The following IQCK variants were observed in gnomAD, a reference collection of about 807,000 sequenced individuals.
IQCK encodes IQ domain-containing protein K.
IQCK carries 29 observed loss-of-function variants against 28.1 expected under a neutral mutation model. The ratio of observed to expected loss-of-function variants is 1.03; its 90% CI spans 0.77 to 1.41. The LOEUF (loss-of-function observed/expected upper bound fraction) is 1.41. Ranked by LOEUF, IQCK falls within the 40% of genes most tolerant of loss-of-function variation. The pLI is 0.00. For missense variants in IQCK, 359 were observed against 314.7 expected (o/e 1.14, Z -1.07); for synonymous variants, 113 against 115.1 (o/e 0.98, Z 0.12).
At chr16:19,777,936 C>G (rs2055417612) in intron 6 of IQCK, among the ~76,000 whole-genome samples, 1 of 152,096 alleles carries the variant, frequency 6.6e-6, no homozygotes, top group Non-Finnish European at 1.5e-5. Flanking sequence ...ACCTGTAGTT[C>G]CAGTTACTCC....
At chr16:19,735,714 T>G in intron 4 of IQCK, 1 of 445,996 alleles carries the variant, frequency 2.2e-6, no homozygotes, top group Non-Finnish European at 4.1e-6. Context: ...CTGTGCAGTT[T>G]GGCATCCACC....
At chr16:19,772,473 A>T (rs1353245820) in intron 6 of IQCK, among the ~76,000 whole-genome samples, 1 of 152,032 alleles carries the variant, frequency 6.6e-6, no homozygotes, top group Non-Finnish European at 1.5e-5. Context: ...TTAAGATATG[A>T]TGATGAGAAT....
At chr16:19,739,268 G>A (rs1416603272) in intron 4 of IQCK, among the ~76,000 whole-genome samples, 1 of 152,060 alleles carries the variant, frequency 6.6e-6, no homozygotes, top group African/African-American at 2.4e-5. Context: ...TTCAAATCTG[G>A]GGACCTCAGT....
chr16:19,828,875 TATATATATAAA>T, downstream of IQCK, among the ~76,000 whole-genome samples: 1 of 140,826 alleles, frequency 7.1e-6, no homozygotes, highest in Non-Finnish European at 1.5e-5. Context: ...TATATATAAA[TATATATATAAA>T]ATATATATTA....
chr16:19,847,823 T>C (rs950194733), intron 9 of IQCK, among the ~76,000 whole-genome samples: 3 of 152,166 alleles, frequency 2.0e-5, no homozygotes, highest in African/African-American at 7.2e-5. Context: ...TTTTTAGAGA[T>C]AGGGTCTCTC....
At chr16:19,733,866 T>G in intron 3 of IQCK, 39 bp downstream of exon 3, 2 of 1,612,026 alleles carry the variant, frequency 1.2e-6, no homozygotes, top group Non-Finnish European at 1.7e-6. Context: ...ATTTGGGGCT[T>G]TTAACATTGC....
At chr16:19,856,725 G>A in exon 10 of IQCK, 1 of 583,940 alleles carries the variant, frequency 1.7e-6, no homozygotes, top group African/African-American at 1.9e-5. Context: ...AAATAGTTTA[G>A]AAAAGAAAGG....
intron 4 of IQCK, among the ~76,000 whole-genome samples, chr16:19,749,788 AAG>A (rs1426903151): frequency 6.6e-6 from 1 of 152,076 alleles, no homozygotes; most frequent in African/African-American, 2.4e-5. Flanking sequence ...AAAAAAGAAA[AAG>A]AAAAAGTGTG....
chr16:19,744,921 T>TAGCG (rs2054887062), intron 4 of IQCK, among the ~76,000 whole-genome samples: 1 of 152,220 alleles, frequency 6.6e-6, no homozygotes, highest in Non-Finnish European at 1.5e-5. Context: ...CCTGTGTGTA[T>TAGCG]AGCGATTTAT....
intron 6 of IQCK, among the ~76,000 whole-genome samples, chr16:19,778,710 T>C (rs1276493622): frequency 6.6e-6 from 1 of 152,102 alleles, no homozygotes; most frequent in East Asian, 1.9e-4. Flanking sequence ...GATGCCCAGT[T>C]GGTATCTGCA....
intron 6 of IQCK, among the ~76,000 whole-genome samples, chr16:19,776,341 C>A (rs2055394594): frequency 6.6e-6 from 1 of 152,112 alleles, no homozygotes; most frequent in Non-Finnish European, 1.5e-5. Context: ...CTCTACTTCC[C>A]CTTCTGTCAC....
chr16:19,775,438 C>T (rs2151721493), intron 6 of IQCK, among the ~76,000 whole-genome samples: 1 of 152,190 alleles, frequency 6.6e-6, no homozygotes, highest in South Asian at 2.1e-4. Flanking sequence ...ACCTACCTAC[C>T]AAACATTTAC....
chr16:19,833,148 T>A (rs2056253957), intron 9 of IQCK, among the ~76,000 whole-genome samples: 1 of 152,240 alleles, frequency 6.6e-6, no homozygotes, highest in Non-Finnish European at 1.5e-5. Context: ...AATTTTTAAA[T>A]AAACAATTCA....
chr16:19,751,694 G>A (rs924099201), intron 4 of IQCK, among the ~76,000 whole-genome samples: 1 of 151,688 alleles, frequency 6.6e-6, no homozygotes, highest in Admixed American at 6.6e-5. Context: ...AGCTTGGCAT[G>A]CCTTCTCCAA....
exon 10 of IQCK, chr16:19,857,458 G>A (rs1384659154): frequency 1.4e-5 from 6 of 440,408 alleles, no homozygotes; most frequent in Non-Finnish European, 2.2e-5. Context: ...TTATAAGTAT[G>A]CAACAGTCAG....
chr16:19,779,534 A>C (rs112898263), intron 6 of IQCK, among the ~76,000 whole-genome samples: 20 of 152,112 alleles, frequency 1.3e-4, no homozygotes, highest in African/African-American at 4.8e-4. Flanking sequence ...TAACCACCAC[A>C]CTATATTACA....
chr16:19,730,217 A>AT (rs1434783776), intron 1 of IQCK, among the ~76,000 whole-genome samples: 1 of 152,156 alleles, frequency 6.6e-6, no homozygotes. Context: ...CGGCCTCCAA[A>AT]AGTGCTGGGA....
At chr16:19,784,343 G>A (rs1315008304) in intron 6 of IQCK, among the ~76,000 whole-genome samples, 1 of 152,094 alleles carries the variant, frequency 6.6e-6, no homozygotes, top group Non-Finnish European at 1.5e-5. Context: ...TGTTTCCTGG[G>A]CAGTTTGCAT....
intron 7 of IQCK, among the ~76,000 whole-genome samples, chr16:19,810,222 C>T (rs986486719): frequency 6.6e-6 from 1 of 152,100 alleles, no homozygotes; most frequent in East Asian, 1.9e-4. Flanking sequence ...TTCGGCCAGG[C>T]GCGGTGGCTC....
Sources: gnomAD v4.1 joint callset for allele counts (sites outside exome capture counted in the v4.1 genomes callset) on GRCh38, gnomAD v4.1.1 for gene constraint, MANE v1.5 for transcripts, NCBI Gene and HGNC (gene_info 2026-07-23, HGNC 2026-07-21) for gene names.